The following COL4A2 variants were observed in gnomAD, a reference collection of about 807,000 sequenced individuals.
The protein encoded by COL4A2 is collagen type IV alpha 2 chain, also known as collagen alpha-2(IV) chain.
Under a neutral mutation model 200.2 loss-of-function variants are expected in COL4A2, and 99 were observed. That is an observed-to-expected ratio of 0.49 (90% CI 0.42 to 0.58). The LOEUF (loss-of-function observed/expected upper bound fraction) is 0.58. Ranked by LOEUF, COL4A2 falls within the 20% of genes least tolerant of loss-of-function variation. The probability of loss-of-function intolerance (pLI) is 0.00; values close to 1 mark genes in which losing one functional copy is unlikely to be tolerated. For synonymous variants in COL4A2, 897 were observed against 900.6 expected (o/e 1.00, Z 0.07); for missense variants, 1,950 against 2,314.1 (o/e 0.84, Z 3.23).
At chr13:110,422,212 A>G (rs1345778779) in intron 4 of COL4A2, among the ~76,000 whole-genome samples, 1 of 152,224 alleles carries the variant, frequency 6.6e-6, no homozygotes. Flanking sequence ...ATGTAATCTT[A>G]AGAAGGTTAT....
chr13:110,386,198 G>C (rs1005303089), intron 4 of COL4A2, among the ~76,000 whole-genome samples: 1 of 152,224 alleles, frequency 6.6e-6, no homozygotes, highest in Admixed American at 6.5e-5. Context: ...TGTCGTTGCA[G>C]TTGCGGATAC....
At chr13:110,383,143 C>T (rs148187517) in intron 4 of COL4A2, among the ~76,000 whole-genome samples, 2 of 152,288 alleles carry the variant, frequency 1.3e-5, no homozygotes, top group Non-Finnish European at 2.9e-5. Context: ...TTTGCTCAAA[C>T]TTATGGGGAT....
chr13:110,498,242 A>T (rs1315880246), intron 40 of COL4A2, among the ~76,000 whole-genome samples: 1 of 152,242 alleles, frequency 6.6e-6, no homozygotes, highest in African/African-American at 2.4e-5. Flanking sequence ...CTACAGGTAA[A>T]GCTCTTGCAC....
intron 46 of COL4A2, 51 bp from the exon 47 acceptor site, chr13:110,507,884 T>G (rs753642997): frequency 2.5e-5 from 40 of 1,571,268 alleles, no homozygotes; most frequent in East Asian, 4.5e-5. Context: ...GGCTGGCAGG[T>G]GCGTCTTCTA....
intron 4 of COL4A2, among the ~76,000 whole-genome samples, chr13:110,360,386 TC>T (rs1370428513): frequency 6.6e-6 from 1 of 152,228 alleles, no homozygotes; most frequent in East Asian, 1.9e-4. Flanking sequence ...ATTTGATTCT[TC>T]AGTAAACATA....
chr13:110,347,422 T>C (rs1262385431), intron 3 of COL4A2, among the ~76,000 whole-genome samples: 1 of 152,190 alleles, frequency 6.6e-6, no homozygotes, highest in African/African-American at 2.4e-5. Context: ...GAAGATGCTG[T>C]GGCTTCAAAG....
chr13:110,429,982 T>G, intron 8 of COL4A2, 26 bp downstream of exon 8: 2 of 1,553,898 alleles, frequency 1.3e-6, no homozygotes, highest in Non-Finnish European at 1.7e-6. Flanking sequence ...ATGGGAGGGG[T>G]AATGAAGGGA....
intron 4 of COL4A2, among the ~76,000 whole-genome samples, chr13:110,385,644 A>G (rs61963195): frequency 0.64 from 1,370 of 2,126 alleles, 596 homozygotes; most frequent in Middle Eastern, 1. Context: ...GGCCGTGGCT[A>G]CAGTGTGTGG....
intron 31 of COL4A2, among the ~76,000 whole-genome samples, chr13:110,481,220 T>C (rs71445074): frequency 3.1e-5 from 2 of 63,816 alleles, no homozygotes; most frequent in Non-Finnish European, 6.6e-5. Flanking sequence ...AGACACACAG[T>C]TCTGTCCTTC....
At chr13:110,360,790 C>T (rs1042110266) in intron 4 of COL4A2, among the ~76,000 whole-genome samples, 1 of 144,608 alleles carries the variant, frequency 6.9e-6, no homozygotes, top group African/African-American at 2.5e-5. Context: ...ACGATACCCG[C>T]CCCCCACCCC....
Position 110,484,968 on chromosome 13 carries a change from T to C in COL4A2, c.2966T>C (p.Ile989Thr), listed in dbSNP as rs1161945549. 1 of 1,612,988 alleles carries C rather than the reference T, an allele frequency of 6.2e-7. No individual in the cohort carries two copies. Among genetic ancestry groups the C allele is most frequent in the Non-Finnish European group, 8.5e-7 (1 of 1,179,158 alleles). ...GTCATCCTGCCAGGAATGAAAGACATTAAAGGAGAGAAAGGAGATGAAGGG... is the reference window on the plus strand; with the variant it reads ...GTCATCCTGCCAGGAATGAAAGACACTAAAGGAGAGAAAGGAGATGAAGGG... ...PPVILPGMKD[I>T]KGEKGDEGPM... is the part of the protein sequence containing the mutation. The change falls in exon 33 of 48, where the codon ATT becomes ACT. Residue 989 changes from isoleucine to threonine, a missense_variant. By Grantham distance (89) the Ile-to-Thr change is moderately conservative. Coordinates refer to ENST00000360467, the MANE Select transcript of COL4A2 (RefSeq NM_001846.4).
intron 40 of COL4A2, among the ~76,000 whole-genome samples, chr13:110,496,017 C>T (rs1287838855): frequency 6.6e-6 from 1 of 152,210 alleles, no homozygotes; most frequent in African/African-American, 2.4e-5. Flanking sequence ...CATGAGCCCA[C>T]AGCCCCAGAG....
At chr13:110,499,383 G>C (rs449554) in intron 40 of COL4A2, among the ~76,000 whole-genome samples, 19,420 of 152,162 alleles carry the variant, frequency 0.13, 1,733 homozygotes, top group African/African-American at 0.25. Flanking sequence ...AGTAAAGGGT[G>C]GGGGGAGGCC....
intron 34 of COL4A2, among the ~76,000 whole-genome samples, chr13:110,486,236 C>T (rs1187440304): frequency 6.6e-6 from 1 of 152,230 alleles, no homozygotes; most frequent in East Asian, 1.9e-4. Flanking sequence ...CCATCCGGGC[C>T]ACCGTTCACT....
At chr13:110,419,020 G>C (rs531456605) in intron 4 of COL4A2, among the ~76,000 whole-genome samples, 1 of 152,290 alleles carries the variant, frequency 6.6e-6, no homozygotes, top group African/African-American at 2.4e-5. Flanking sequence ...TTTGAAATGT[G>C]TGGCAAAGAG....
chr13:110,327,450 G>A (rs4771663), intron 3 of COL4A2, among the ~76,000 whole-genome samples: 1 of 152,218 alleles, frequency 6.6e-6, no homozygotes, highest in African/African-American at 2.4e-5. Context: ...CCAACCAGCC[G>A]TCCCAGCAGG....
chr13:110,371,839 C>G (rs2139402312), intron 4 of COL4A2, among the ~76,000 whole-genome samples: 1 of 152,296 alleles, frequency 6.6e-6, no homozygotes, highest in East Asian at 1.9e-4. Flanking sequence ...GCCGGGAGCT[C>G]ATTGTCTTTC....
At chr13:110,334,344 C>T (rs1344647435) in intron 3 of COL4A2, among the ~76,000 whole-genome samples, 2 of 152,212 alleles carry the variant, frequency 1.3e-5, no homozygotes, top group Non-Finnish European at 2.9e-5. Context: ...GTGAGCACCA[C>T]CACCATCTGC....
chr13:110,372,361 T>C (rs961081856), intron 4 of COL4A2, among the ~76,000 whole-genome samples: 10 of 152,220 alleles, frequency 6.6e-5, no homozygotes, highest in Non-Finnish European at 1.3e-4. Flanking sequence ...TTTTCCTTCA[T>C]GTGATTTGTG....
Sources: allele counts gnomAD v4.1 joint callset (sites outside exome capture counted in the v4.1 genomes callset), GRCh38; gene constraint gnomAD v4.1.1; transcripts MANE v1.5; gene names NCBI Gene and HGNC (gene_info 2026-07-23, HGNC 2026-07-21).